Variants in PDS5A observed in about 807,000 individuals in gnomAD.
PDS5A encodes sister chromatid cohesion protein PDS5 homolog A.
PDS5A carries 42 observed loss-of-function variants against 167.1 expected under a neutral mutation model. The observed-to-expected ratio is 0.25, with a 90% CI of 0.20 to 0.33. PDS5A has a LOEUF of 0.33. PDS5A is among the 10% of genes least tolerant of loss of function. PDS5A has a pLI of 1.00. For missense variants in PDS5A, 1,033 were observed against 1,605.9 expected (o/e 0.64, Z 6.10); for synonymous variants, 553 against 554.6 (o/e 1.00, Z 0.04).
intron 8 of PDS5A, among the ~76,000 whole-genome samples, chr4:39,915,023 T>C (rs1724229703): frequency 6.7e-6 from 1 of 149,074 alleles, no homozygotes; most frequent in African/African-American, 2.4e-5. Flanking sequence ...ACTATTTTAA[T>C]TTTAAATGAC....
chr4:39,832,434 C>T (rs56656287), intron 32 of PDS5A, among the ~76,000 whole-genome samples: 4 of 151,992 alleles, frequency 2.6e-5, no homozygotes, highest in East Asian at 2.0e-4. Context: ...AGGATGGTCT[C>T]GATCTCCTGA....
chr4:39,964,826 C>T (rs1729825437), intron 2 of PDS5A, among the ~76,000 whole-genome samples: 1 of 151,738 alleles, frequency 6.6e-6, no homozygotes, highest in Non-Finnish European at 1.5e-5. Context: ...GCCTGTAATC[C>T]CAGCTACTTG....
chr4:39,931,096 C>G (rs541548848), intron 2 of PDS5A, among the ~76,000 whole-genome samples: 1 of 151,988 alleles, frequency 6.6e-6, no homozygotes, highest in Non-Finnish European at 1.5e-5. Flanking sequence ...TCGCTTGAGC[C>G]CAGCAGTTCC....
intron 7 of PDS5A, 34 bp from the exon 8 acceptor site, chr4:39,917,222 CCAGTT>C: frequency 7.0e-7 from 1 of 1,428,002 alleles, no homozygotes; most frequent in Non-Finnish European, 9.4e-7. Flanking sequence ...AAGAAAACAT[CCAGTT>C]CATTTAAAAA....
chr4:39,856,163 T>C (rs1371935706), intron 26 of PDS5A, among the ~76,000 whole-genome samples: 1 of 152,088 alleles, frequency 6.6e-6, no homozygotes, highest in African/African-American at 2.4e-5. Context: ...GAAATCATAA[T>C]GGCCAAGAGG....
intron 2 of PDS5A, among the ~76,000 whole-genome samples, chr4:39,942,327 C>A (rs915701939): frequency 2.6e-5 from 4 of 152,264 alleles, no homozygotes; most frequent in African/African-American, 9.6e-5. Context: ...AGAAAGCTCA[C>A]AGAGTTCGAC....
At chr4:39,914,158 A>ATTTTT (rs1560478626) in intron 8 of PDS5A, among the ~76,000 whole-genome samples, 2 of 133,348 alleles carry the variant, frequency 1.5e-5, no homozygotes, top group Admixed American at 7.7e-5. Flanking sequence ...TGATATACAA[A>ATTTTT]TTTGTTTTTT....
chr4:39,889,497 G>A (rs897978794), intron 17 of PDS5A, among the ~76,000 whole-genome samples: 4 of 152,174 alleles, frequency 2.6e-5, no homozygotes, highest in African/African-American at 9.7e-5. Context: ...CTGAATTCTA[G>A]GCTGTTTGGA....
Position 39,918,767 on chromosome 4 carries a change from C to T in PDS5A, c.735+1552G>A, listed in dbSNP as rs943134827. Among the ~76,000 whole-genome samples the T allele has an allele frequency of 1.8e-4, 28 of 152,148 alleles. No individual in the cohort carries two copies. The East Asian group carries it at 3.3e-3, about 18-fold the overall frequency. ...ACTAAGGAGGCTGGAGCAGGAGAAT[C>T]GCTTGAGCCTGGGAGGCGGAGGTTG... is the stretch of plus-strand genomic sequence containing the variant. On this transcript the variant is annotated intron_variant, in intron 7 of 32. Transcript: ENST00000303538.
At chr4:39,935,493 T>A (rs924114009) in intron 2 of PDS5A, among the ~76,000 whole-genome samples, 9 of 152,376 alleles carry the variant, frequency 5.9e-5, no homozygotes, top group Middle Eastern at 3.4e-3. Flanking sequence ...TGAAAGCTTT[T>A]GGGTCGAGGT....
intron 17 of PDS5A, among the ~76,000 whole-genome samples, chr4:39,880,252 T>C (rs936905322): frequency 1.3e-5 from 2 of 152,146 alleles, no homozygotes; most frequent in Middle Eastern, 3.2e-3. Context: ...TCACTGATAA[T>C]TTACTGAATC....
At chr4:39,964,782 AAC>A (rs748837112) in intron 2 of PDS5A, among the ~76,000 whole-genome samples, 27 of 152,062 alleles carry the variant, frequency 1.8e-4, no homozygotes, top group Non-Finnish European at 3.5e-4. Context: ...AACATGGTGA[AAC>A]ACATAAAAAT....
intron 6 of PDS5A, among the ~76,000 whole-genome samples, 173 bp from the exon 7 acceptor site, chr4:39,920,572 T>C (rs1353267732): frequency 6.6e-6 from 1 of 152,246 alleles, no homozygotes; most frequent in Non-Finnish European, 1.5e-5. Flanking sequence ...AAATATCCTC[T>C]AGTCAAGTGA....
chr4:39,878,165 T>C (rs1173101393), intron 18 of PDS5A, among the ~76,000 whole-genome samples: 1 of 152,174 alleles, frequency 6.6e-6, no homozygotes, highest in African/African-American at 2.4e-5. Context: ...TTCATTAATT[T>C]TTCAATAAGC....
intron 8 of PDS5A, among the ~76,000 whole-genome samples, chr4:39,915,343 A>ATTTTT (rs3070904): frequency 3.4e-5 from 3 of 88,726 alleles, no homozygotes; most frequent in Non-Finnish European, 4.1e-5. Flanking sequence ...AACCGGCCTG[A>ATTTTT]TTTTTTTTTT....
At chr4:39,957,874 G>A (rs1193211754) in intron 2 of PDS5A, among the ~76,000 whole-genome samples, 4 of 151,784 alleles carry the variant, frequency 2.6e-5, no homozygotes, top group Non-Finnish European at 5.9e-5. Flanking sequence ...AGACTCCACA[G>A]GCCGGGGGTG....
At chr4:39,889,025 T>C (rs989490177) in intron 17 of PDS5A, among the ~76,000 whole-genome samples, 2 of 152,220 alleles carry the variant, frequency 1.3e-5, no homozygotes, top group Non-Finnish European at 2.9e-5. Context: ...TATTATGTTA[T>C]GGGCTGACAT....
intron 32 of PDS5A, among the ~76,000 whole-genome samples, chr4:39,835,876 G>A (rs1716337095): frequency 6.6e-6 from 1 of 152,190 alleles, no homozygotes. Context: ...GCTAATGGGA[G>A]GTAAGGTCAG....
At position 39,928,151 on chromosome 4, in the gene PDS5A, G is replaced by A. The variant is rs766851812; in HGVS notation, c.152C>T (p.Thr51Ile). 1.2e-6 allele frequency: 2 copies of A among 1,603,922 alleles called. No homozygotes were observed. The highest frequency in any genetic ancestry group is 1.1e-5 in the South Asian group (1 of 90,334). ...MIKRLKMVVK[T>I]FMDMDQDSED... ...TGAGTCCTGATCCATATCCATAAAGGTTTTCACTACCATCTGTAAAAATGT... is the reference window on the plus strand; with the variant it reads ...TGAGTCCTGATCCATATCCATAAAGATTTTCACTACCATCTGTAAAAATGT... Residue 51 changes from threonine to isoleucine, a missense_variant, in exon 3 of 33, where the codon ACC becomes ATC. Thr to Ile is a moderately conservative substitution (Grantham distance 89, BLOSUM62 -1). Transcript: ENST00000303538.
Sources: gnomAD v4.1 joint callset for allele counts (sites outside exome capture counted in the v4.1 genomes callset) on GRCh38, gnomAD v4.1.1 for gene constraint, MANE v1.5 for transcripts, NCBI Gene and HGNC (gene_info 2026-07-23, HGNC 2026-07-21) for gene names.